Variants in SETBP1 observed in about 807,000 individuals in gnomAD.
SETBP1 encodes SET binding protein 1.
Under a neutral mutation model 101.0 loss-of-function variants are expected in SETBP1, and 9 were observed. That is an observed-to-expected ratio of 0.09 (90% CI 0.05 to 0.16). The LOEUF is 0.16. Ranked by LOEUF, SETBP1 falls within the 10% of genes least tolerant of loss-of-function variation. SETBP1 has a pLI of 1.00. For synonymous variants in SETBP1, 818 were observed against 788.5 expected (o/e 1.04, Z -0.63); for missense variants, 1,858 against 2,033.8 (o/e 0.91, Z 1.66).
At chr18:44,794,249 C>G (rs1233169687) in intron 2 of SETBP1, among the ~76,000 whole-genome samples, 1 of 150,406 alleles carries the variant, frequency 6.6e-6, no homozygotes, top group African/African-American at 2.5e-5. Flanking sequence ...AATTCACTGT[C>G]TGTGATGGAT....
At chr18:44,840,742 A>G (rs1251756448) in intron 2 of SETBP1, among the ~76,000 whole-genome samples, 18 of 152,230 alleles carry the variant, frequency 1.2e-4, no homozygotes, top group Admixed American at 1.2e-3. Context: ...GTATTTTAGA[A>G]CACAAAAAAC....
chr18:44,814,947 A>T (rs142315592), intron 2 of SETBP1, among the ~76,000 whole-genome samples: 5 of 152,226 alleles, frequency 3.3e-5, no homozygotes. Context: ...CTTGGTGTCA[A>T]TTGAAATCTC....
At chr18:44,814,347 A>G (rs370894775) in intron 2 of SETBP1, among the ~76,000 whole-genome samples, 75 of 152,356 alleles carry the variant, frequency 4.9e-4, no homozygotes, top group Non-Finnish European at 7.9e-4. Flanking sequence ...GTTTTGGCCC[A>G]AAGAAAACAG....
At chr18:44,746,015 G>A (rs2070236611) in intron 2 of SETBP1, among the ~76,000 whole-genome samples, 1 of 152,176 alleles carries the variant, frequency 6.6e-6, no homozygotes, top group Admixed American at 6.5e-5. Flanking sequence ...GGGGCAGGGA[G>A]ATGTGGTCAA....
chr18:44,928,423 A>C (rs2070752253), intron 3 of SETBP1, among the ~76,000 whole-genome samples: 1 of 152,230 alleles, frequency 6.6e-6, no homozygotes, highest in African/African-American at 2.4e-5. Context: ...AGCATGATTT[A>C]TAATCCTTTG....
intron 2 of SETBP1, among the ~76,000 whole-genome samples, chr18:44,792,517 T>C (rs191401187): frequency 1.5e-3 from 235 of 152,322 alleles, no homozygotes; most frequent in African/African-American, 4.8e-3. Context: ...AGAGCCAGCA[T>C]AGGGTAGTTG....
At chr18:45,052,778 A>G (rs1333936253) in intron 5 of SETBP1, among the ~76,000 whole-genome samples, 1 of 152,228 alleles carries the variant, frequency 6.6e-6, no homozygotes, top group African/African-American at 2.4e-5. Flanking sequence ...TAAAAACTTC[A>G]ATAAAGAAAA....
intron 2 of SETBP1, among the ~76,000 whole-genome samples, chr18:44,704,122 T>G (rs1023590969): frequency 5.3e-5 from 8 of 152,302 alleles, no homozygotes; most frequent in African/African-American, 1.9e-4. Context: ...AGCCACTGAT[T>G]GTTCCCAAAT....
Position 44,951,658 on chromosome 18 carries a change from C to T in SETBP1, c.2318C>T (p.Pro773Leu). The change falls in exon 4 of 6, where the codon CCA (proline) becomes CTA (leucine). Residue 773 changes from proline to leucine, a missense_variant. Transcript: ENST00000649279. The surrounding 1 kb of genome is among the most constrained non-coding windows in gnomAD (Gnocchi z 7.8). ...SNFQSLVASSPAAMHPLSTQL... is the reference protein window; with the variant it reads ...SNFQSLVASSLAAMHPLSTQL... ...TTTCAGTCACTTGTGGCGTCTTCACCAGCAGCTATGCACCCACTTTCAACA... is the reference window on the plus strand; with the variant it reads ...TTTCAGTCACTTGTGGCGTCTTCACTAGCAGCTATGCACCCACTTTCAACA... The T allele has an allele frequency of 6.2e-7, 1 of 1,614,172 alleles. No individual in the cohort carries two copies. Among genetic ancestry groups the T allele is most frequent in the East Asian group, 2.2e-5 (1 of 44,868 alleles).
chr18:44,991,248 A>C (rs2072371131), intron 4 of SETBP1, among the ~76,000 whole-genome samples: 2 of 147,150 alleles, frequency 1.4e-5, no homozygotes, highest in Non-Finnish European at 3.0e-5. Context: ...ATCTCACAAA[A>C]AAAAAAAAAA....
chr18:44,877,059 T>C (rs768639082), intron 3 of SETBP1: 76 of 1,072,554 alleles, frequency 7.1e-5, no homozygotes, highest in Non-Finnish European at 8.6e-5. Flanking sequence ...ATGCCTTTAC[T>C]CTCTAGGCCT....
At chr18:44,992,462 A>T (rs775378181) in intron 4 of SETBP1, among the ~76,000 whole-genome samples, 5 of 152,050 alleles carry the variant, frequency 3.3e-5, no homozygotes, top group Non-Finnish European at 7.4e-5. Context: ...GAGCAAGGGG[A>T]AGGATAGAAT....
At chr18:44,974,980 C>G (rs1340870444) in intron 4 of SETBP1, among the ~76,000 whole-genome samples, 1 of 152,172 alleles carries the variant, frequency 6.6e-6, no homozygotes, top group African/African-American at 2.4e-5. Flanking sequence ...GTAGACCTCA[C>G]AAAGGCACTT....
At chr18:44,818,970 A>ATG (rs34458305) in intron 2 of SETBP1, among the ~76,000 whole-genome samples, 73,480 of 148,370 alleles carry the variant, frequency 0.5, 17,880 homozygotes, top group Admixed American at 0.53. Context: ...ATTTCACTGA[A>ATG]TGTGTGTGTG....
chr18:44,737,300 T>A (rs2069990057), intron 2 of SETBP1, among the ~76,000 whole-genome samples: 1 of 152,142 alleles, frequency 6.6e-6, no homozygotes, highest in African/African-American at 2.4e-5. Flanking sequence ...TCTCTAGAAG[T>A]GGAGTGGACT....
intron 2 of SETBP1, among the ~76,000 whole-genome samples, chr18:44,839,092 GC>G (rs2072558777): frequency 1.3e-5 from 2 of 151,026 alleles, no homozygotes; most frequent in Non-Finnish European, 1.5e-5. Flanking sequence ...AAAAAACCCA[GC>G]CTTCTCATTG....
At chr18:44,764,610 C>A (rs1021661419) in intron 2 of SETBP1, among the ~76,000 whole-genome samples, 1 of 151,970 alleles carries the variant, frequency 6.6e-6, no homozygotes, top group Admixed American at 6.6e-5. Context: ...TTAGCTGGGA[C>A]TTACAGGCAC....
chr18:44,873,409 C>T (rs150230202), intron 3 of SETBP1, among the ~76,000 whole-genome samples: 87 of 152,250 alleles, frequency 5.7e-4, no homozygotes, highest in African/African-American at 2.0e-3. Context: ...GCCTGAAATG[C>T]ACAGTGAGGT....
chr18:44,792,727 A>G (rs1277671078), intron 2 of SETBP1, among the ~76,000 whole-genome samples: 1 of 152,190 alleles, frequency 6.6e-6, no homozygotes, highest in Non-Finnish European at 1.5e-5. Flanking sequence ...TGGTTTTAGA[A>G]GTTTGCCTCC....
Sources: gnomAD v4.1 joint callset for allele counts (sites outside exome capture counted in the v4.1 genomes callset) on GRCh38, gnomAD v4.1.1 for gene constraint, Gnocchi (gnomAD v3.1) non-coding constraint, MANE v1.5 for transcripts, NCBI Gene and HGNC (gene_info 2026-07-23, HGNC 2026-07-21) for gene names.